Variants in NPSR1 observed in about 807,000 individuals in gnomAD.
NPSR1 encodes neuropeptide S receptor 1.
In NPSR1, 48 loss-of-function variants were observed where a neutral mutation model predicts 46.9. The ratio of observed to expected loss-of-function variants is 1.02; its 90% CI spans 0.81 to 1.30. The LOEUF is 1.30. Among genes scored for constraint, NPSR1 ranks in the 50% most tolerant of loss-of-function variants. NPSR1 has a pLI of 0.00. For synonymous variants in NPSR1, 176 were observed against 168.1 expected, an observed-to-expected ratio of 1.05 and a Z score of -0.36; for missense variants, 450 against 449.5, an observed-to-expected ratio of 1.00 and a Z score of -0.01.
At chr7:34,714,328 G>A (rs1283948087) in intron 2 of NPSR1, among the ~76,000 whole-genome samples, 2 of 152,196 alleles carry the variant, frequency 1.3e-5, no homozygotes, top group Admixed American at 6.5e-5. Context: ...TCAGGGAGAC[G>A]GGACCACACA....
chr7:34,713,118 T>A (rs1783383774), intron 2 of NPSR1, among the ~76,000 whole-genome samples: 1 of 152,244 alleles, frequency 6.6e-6, no homozygotes, highest in Non-Finnish European at 1.5e-5. Flanking sequence ...GAACACAGAC[T>A]GAGCAGAGCG....
chr7:34,812,231 C>G (rs999843035), intron 4 of NPSR1, among the ~76,000 whole-genome samples: 1 of 152,146 alleles, frequency 6.6e-6, no homozygotes, highest in Non-Finnish European at 1.5e-5. Context: ...CTCTCCCACA[C>G]TAACTTCTCA....
intron 2 of NPSR1, among the ~76,000 whole-genome samples, chr7:34,728,267 G>GAAAT (rs1030381791): frequency 1.3e-5 from 2 of 152,130 alleles, no homozygotes; most frequent in African/African-American, 4.8e-5. Context: ...GGTGTACAAG[G>GAAAT]TGCCAGTTAC....
At chr7:34,779,854 A>AAG (rs1363646664) in intron 3 of NPSR1, 2 of 182,144 alleles carry the variant, frequency 1.1e-5, no homozygotes, top group African/African-American at 4.7e-5. Context: ...TCTATTAGTC[A>AAG]AGAATTCAGG....
intron 3 of NPSR1, among the ~76,000 whole-genome samples, 168 bp from the exon 4 acceptor site, chr7:34,811,602 C>T (rs1485148719): frequency 6.6e-6 from 1 of 152,150 alleles, no homozygotes; most frequent in African/African-American, 2.4e-5. Flanking sequence ...CCCAGTATTT[C>T]CCTTTCTCTT....
At chr7:34,660,834 T>A (rs887784350) in intron 1 of NPSR1, among the ~76,000 whole-genome samples, 1 of 152,124 alleles carries the variant, frequency 6.6e-6, no homozygotes, top group African/African-American at 2.4e-5. Flanking sequence ...GCTTCCTCCA[T>A]GAAGCCCTCC....
At chr7:34,694,046 C>A (rs1309491210) in intron 2 of NPSR1, among the ~76,000 whole-genome samples, 1 of 152,140 alleles carries the variant, frequency 6.6e-6, no homozygotes, top group Admixed American at 6.6e-5. Flanking sequence ...CAACATTATA[C>A]TGAATGAGGA....
downstream of NPSR1, among the ~76,000 whole-genome samples, chr7:34,851,305 CTTT>C (rs11337710): frequency 4.4e-4 from 60 of 135,890 alleles, 1 homozygote; most frequent in African/African-American, 7.1e-4. Flanking sequence ...GTCATGTGGG[CTTT>C]TTTTTTTTTT....
intron 4 of NPSR1, 145 bp downstream of exon 4, chr7:34,812,008 C>T (rs1305404100): frequency 3.2e-6 from 2 of 619,294 alleles, no homozygotes; most frequent in African/African-American, 1.9e-5. Flanking sequence ...CCTCTTCCAC[C>T]TCTTTCCTCA....
At chr7:34,813,375 A>G (rs1485177943) in intron 4 of NPSR1, among the ~76,000 whole-genome samples, 2 of 152,174 alleles carry the variant, frequency 1.3e-5, no homozygotes, top group African/African-American at 2.4e-5. Flanking sequence ...TCCAAGAGTG[A>G]AAGTAATTTG....
intron 2 of NPSR1, among the ~76,000 whole-genome samples, chr7:34,748,004 G>A (rs571900899): frequency 9.7e-4 from 148 of 152,224 alleles, no homozygotes; most frequent in Middle Eastern, 3.4e-3. Flanking sequence ...GTGCAGCAAG[G>A]CTTTTGGCCA....
chr7:34,684,727 G>C, intron 2 of NPSR1, 43 bp downstream of exon 2: 1 of 1,522,394 alleles, frequency 6.6e-7, no homozygotes, highest in South Asian at 1.3e-5. Context: ...TATATGTGAA[G>C]TCCCTATGGC....
chr7:34,773,955 T>G (rs886079766), intron 2 of NPSR1, among the ~76,000 whole-genome samples: 5 of 152,210 alleles, frequency 3.3e-5, no homozygotes, highest in Non-Finnish European at 7.3e-5. Context: ...CACATGTCTC[T>G]GTCTCAGACT....
intron 3 of NPSR1, among the ~76,000 whole-genome samples, chr7:34,798,912 T>C (rs367807902): frequency 2.0e-5 from 3 of 152,196 alleles, no homozygotes. Context: ...TATTTTGAAA[T>C]AAATGAAAAT....
At chr7:34,794,077 A>T (rs1003891817) in intron 3 of NPSR1, among the ~76,000 whole-genome samples, 2 of 152,108 alleles carry the variant, frequency 1.3e-5, no homozygotes, top group African/African-American at 4.8e-5. Flanking sequence ...AGGGTAAGTG[A>T]AAGAGGGTAT....
At chr7:34,868,174 A>C (rs1833090) in intron 8 of NPSR1, among the ~76,000 whole-genome samples, 116,769 of 151,388 alleles carry the variant, frequency 0.77, 45,692 homozygotes, top group African/African-American at 0.89. Context: ...TTCAAAGCCC[A>C]GGGAATGTGG....
At position 34,814,283 on chromosome 7, in the gene NPSR1, T is replaced by C. The variant is rs575266910; in HGVS notation, c.478+2420T>C. ...TGGCTCAGGAGGTCTGGAGCCTTGC[T>C]CACTGCTAGCACAGCAGTCTGAAAT... On this transcript the variant is annotated intron_variant, in intron 4 of 8. Transcript: ENST00000360581. 2.6e-5 allele frequency among the ~76,000 whole-genome samples: 4 copies of C among 152,372 alleles called. No individual in the cohort carries two copies. The East Asian group carries it at 5.8e-4, about 22-fold the overall frequency.
chr7:34,859,582 G>T (rs1369096941), intron 8 of NPSR1, among the ~76,000 whole-genome samples: 1 of 151,640 alleles, frequency 6.6e-6, no homozygotes, highest in Admixed American at 6.6e-5. Flanking sequence ...GGGACTTTGG[G>T]CCCATGGTAG....
At chr7:34,700,468 A>C (rs1314866300) in intron 2 of NPSR1, among the ~76,000 whole-genome samples, 2 of 152,176 alleles carry the variant, frequency 1.3e-5, no homozygotes, top group East Asian at 3.8e-4. Flanking sequence ...TTAAGCCTGA[A>C]GTTTTTTTCA....
Sources: gnomAD v4.1 joint callset for allele counts (sites outside exome capture counted in the v4.1 genomes callset) on GRCh38, gnomAD v4.1.1 for gene constraint, MANE v1.5 for transcripts, NCBI Gene and HGNC (gene_info 2026-07-23, HGNC 2026-07-21) for gene names.